MAP3K4: variants seen among roughly 807,000 people sequenced by gnomAD.
MAP3K4 encodes MAP three kinase 1.
In MAP3K4, 67 loss-of-function variants were observed where a neutral mutation model predicts 185.6. The ratio of observed to expected loss-of-function variants is 0.36; its 90% CI spans 0.30 to 0.44. The LOEUF is 0.44. MAP3K4 is among the 20% of genes least tolerant of loss of function. The probability of loss-of-function intolerance (pLI) is 1.00; values close to 1 mark genes in which losing one functional copy is unlikely to be tolerated. For synonymous variants in MAP3K4, 702 were observed against 710.4 expected, an observed-to-expected ratio of 0.99 and a Z score of 0.19; for missense variants, 1,551 against 1,995.1, an observed-to-expected ratio of 0.78 and a Z score of 4.24.
rs562864865 is a variant in MAP3K4 at position 161,054,084 on chromosome 6, C to T, written c.1707+4105C>T. ...TATGTCTTTATATATTTTTTGATTA[C>T]GTTACTTATAACCAGTGTTTGCAAA... On this transcript the variant is annotated intron_variant, in intron 3 of 26. Transcript: ENST00000392142. This position sits in a 1 kb window ranked among gnomAD's most constrained non-coding sequence, Gnocchi z 4.2. Among the ~76,000 whole-genome samples, 5 of 152,144 alleles carry T rather than the reference C, an allele frequency of 3.3e-5. No individual in the cohort carries two copies. The highest frequency in any genetic ancestry group is 7.4e-5 in the Non-Finnish European group (5 of 68,026).
At position 161,029,387 on chromosome 6, in the gene MAP3K4, C is replaced by A. The variant is rs528898711; in HGVS notation, c.153-4872C>A. Among the ~76,000 whole-genome samples the A allele has an allele frequency of 2.6e-5, 4 of 152,252 alleles. No homozygotes were observed. In the South Asian group the frequency reaches 8.3e-4, roughly 32 times the overall value. On this transcript the variant is annotated intron_variant, in intron 1 of 26. Coordinates refer to ENST00000392142, the MANE Select transcript of MAP3K4 (RefSeq NM_005922.4). ...AATATGTCAGAGCAGAACTATTTAA[C>A]CCTAAGTAACTTGAATTTTTGTTTT...
chr6:161,064,916 C>G lies in MAP3K4; in HGVS notation c.1708-5692C>G, dbSNP rs139068512. Among the ~76,000 whole-genome samples the G allele has an allele frequency of 6.6e-6, 1 of 152,092 alleles. No individual in the cohort carries two copies. The highest frequency in any genetic ancestry group is 1.5e-5 in the Non-Finnish European group (1 of 68,016). The stretch of plus-strand genomic sequence containing the variant: ...CATGGGCCAATGCCTTCGTGGAGTC[C>G]AAGGTATTGTCCAAACAGGTTTCCC... On this transcript the variant is annotated intron_variant, in intron 3 of 26. Coordinates refer to ENST00000392142, the MANE Select transcript of MAP3K4 (RefSeq NM_005922.4). The surrounding 1 kb of genome is among the most constrained non-coding windows in gnomAD (Gnocchi z 4.3).
chr6:161,080,450 C>T lies in MAP3K4; in HGVS notation c.2098-431C>T, dbSNP rs1785397144. Among the ~76,000 whole-genome samples the T allele has an allele frequency of 1.3e-5, 2 of 152,060 alleles. No individual in the cohort carries two copies. The highest frequency in any genetic ancestry group is 2.4e-5 in the African/African-American group (1 of 41,398). On this transcript the variant is annotated intron_variant, in intron 5 of 26. Coordinates refer to ENST00000392142, the MANE Select transcript of MAP3K4 (RefSeq NM_005922.4). The surrounding 1 kb of genome is among the most constrained non-coding windows in gnomAD (Gnocchi z 4.8). ...ATCCGGATGTTAGGAAGGGGTGGTG[C>T]GAAGAAGGGTGTTGACGTCCTCCTC...
intron 19 of MAP3K4, among the ~76,000 whole-genome samples, chr6:161,105,074 A>G (rs577136678): frequency 1.2e-4 from 18 of 152,338 alleles, no homozygotes; most frequent in East Asian, 3.9e-4. Context: ...ATGGTTGTCA[A>G]TTTATGGGTT....
chr6:161,044,208 A>G (rs1783616431), intron 2 of MAP3K4, among the ~76,000 whole-genome samples: 1 of 152,196 alleles, frequency 6.6e-6, no homozygotes, highest in African/African-American at 2.4e-5. Flanking sequence ...CACTTGGGAG[A>G]TCAGGTGTCC....
In MAP3K4 at chr6:161,110,090, C is replaced by G. The variant is rs544944005; in HGVS notation, c.4396+176C>G. 4.6e-5 allele frequency among the ~76,000 whole-genome samples: 7 copies of G among 152,338 alleles called. No individual in the cohort carries two copies. In the South Asian group the frequency reaches 1.2e-3, roughly 27 times the overall value. ...TTCAGAAACAAGGTAGAACTCATGT[C>G]TCTCTACCCAGGAGTCCGCTCTTTC... On this transcript the variant is annotated intron_variant, in intron 23 of 26. Coordinates refer to ENST00000392142, the MANE Select transcript of MAP3K4 (RefSeq NM_005922.4). This position sits in a 1 kb window ranked among gnomAD's most constrained non-coding sequence, Gnocchi z 4.8.
In MAP3K4 at chr6:161,086,243, T is replaced by G; in HGVS notation, c.2373-136T>G. 1 of 535,764 alleles carries G rather than the reference T, an allele frequency of 1.9e-6. No homozygotes were observed. Among genetic ancestry groups the G allele is most frequent in the Non-Finnish European group, 3.3e-6 (1 of 303,652 alleles). 33.2% of individuals were successfully genotyped at this position (535,764 alleles called of 1,614,324 possible). ...TTTGACTACATCTTCAATAATAGTT[T>G]GTTCCCATTTAAAAAATCCTCAGTC... On this transcript the variant is annotated intron_variant, in intron 7 of 26. Coordinates refer to ENST00000392142, the MANE Select transcript of MAP3K4 (RefSeq NM_005922.4). This position sits in a 1 kb window ranked among gnomAD's most constrained non-coding sequence, Gnocchi z 4.8.
At chr6:161,057,478 G>C (rs1001809) in intron 3 of MAP3K4, among the ~76,000 whole-genome samples, 137,332 of 152,284 alleles carry the variant, frequency 0.9, 62,132 homozygotes, top group East Asian at 0.99. Context: ...ACATGGTTTC[G>C]AAACCTGGCT....
intron 1 of MAP3K4, among the ~76,000 whole-genome samples, chr6:161,023,134 C>A (rs150478375): frequency 6.6e-6 from 1 of 152,236 alleles, no homozygotes; most frequent in African/African-American, 2.4e-5. Context: ...TTCAATCTTC[C>A]ACCATCTGTG....
intron 1 of MAP3K4, among the ~76,000 whole-genome samples, chr6:161,026,714 G>A (rs1782681843): frequency 6.9e-6 from 1 of 145,216 alleles, no homozygotes; most frequent in Non-Finnish European, 1.5e-5. Context: ...ATATTGGAAT[G>A]CCCAAAGGGT....
At chr6:161,090,549 C>T (rs1185031315) in intron 11 of MAP3K4, among the ~76,000 whole-genome samples, 1 of 132,234 alleles carries the variant, frequency 7.6e-6, no homozygotes, top group Non-Finnish European at 1.6e-5. Context: ...ATGTTTAGAG[C>T]CAGGGCAGGG....
intron 6 of MAP3K4, among the ~76,000 whole-genome samples, chr6:161,083,398 G>A (rs914624002): frequency 3.3e-5 from 5 of 152,098 alleles, no homozygotes; most frequent in African/African-American, 1.2e-4. Flanking sequence ...AATATTTGTT[G>A]AATAAGTACA....
chr6:161,042,910 A>G (rs571395994), intron 2 of MAP3K4, among the ~76,000 whole-genome samples: 1 of 1,784 alleles, frequency 5.6e-4, no homozygotes, highest in African/African-American at 4.6e-3. Flanking sequence ...GAGAATTTGC[A>G]CACACACACA....
intron 1 of MAP3K4, among the ~76,000 whole-genome samples, chr6:161,000,930 C>CGT (rs1554269882): frequency 6.9e-6 from 1 of 145,162 alleles, no homozygotes; most frequent in African/African-American, 2.6e-5. Flanking sequence ...GTATAATATG[C>CGT]ATATATATGC....
At chr6:161,014,191 A>T (rs534810868) in intron 1 of MAP3K4, among the ~76,000 whole-genome samples, 76 of 152,224 alleles carry the variant, frequency 5.0e-4, no homozygotes, top group Non-Finnish European at 7.9e-4. Context: ...TTGAGAATTA[A>T]TGAACTAATA....
intron 3 of MAP3K4, among the ~76,000 whole-genome samples, chr6:161,052,726 CGT>C (rs1168086873): frequency 2.6e-5 from 4 of 151,794 alleles, no homozygotes; most frequent in Admixed American, 1.3e-4. Flanking sequence ...TAAAGGGAGG[CGT>C]GTGTGTGTGC....
rs1170223252 is a variant in MAP3K4, at chr6:161,098,576, CG to C, written c.3674+151del. ...CTCTAGGGCCTTCCGCAGGTTGTCA[CG>C]GCCCAGAGGCTCTGGCACTGACCAA... On this transcript the variant is annotated intron_variant, in intron 17 of 26. Coordinates refer to ENST00000392142, the MANE Select transcript of MAP3K4 (RefSeq NM_005922.4). This position sits in a 1 kb window ranked among gnomAD's most constrained non-coding sequence, Gnocchi z 4.4. 6 of 882,500 alleles carry C rather than the reference CG, an allele frequency of 6.8e-6. No homozygotes were observed. The highest frequency in any genetic ancestry group is 9.9e-6 in the Non-Finnish European group (6 of 606,924). The allele number at this position is 882,500 out of a possible 1,614,324, so 54.7% of individuals were successfully genotyped here.
Position 161,017,081 on chromosome 6 carries a change from T to A in MAP3K4, c.153-17178T>A, listed in dbSNP as rs1782150461. Among the ~76,000 whole-genome samples the A allele has an allele frequency of 6.6e-6, 1 of 152,152 alleles. No homozygotes were observed. The highest frequency in any genetic ancestry group is 1.5e-5 in the Non-Finnish European group (1 of 68,028). On this transcript the variant is annotated intron_variant, in intron 1 of 26. Coordinates refer to ENST00000392142, the MANE Select transcript of MAP3K4 (RefSeq NM_005922.4). The surrounding 1 kb of genome is among the most constrained non-coding windows in gnomAD (Gnocchi z 5.1). ...GCTTTACTAAAGGTCTTGTGTGCAC[T>A]GAAAAAAGAATTTTAGAAGCGAAAA...
intron 7 of MAP3K4, among the ~76,000 whole-genome samples, chr6:161,085,819 A>G (rs1457140930): frequency 1.3e-5 from 2 of 152,194 alleles, no homozygotes; most frequent in Non-Finnish European, 2.9e-5. Context: ...GTTCCAGTTC[A>G]GGGGGCCATG....
Sources: allele counts gnomAD v4.1 joint callset (sites outside exome capture counted in the v4.1 genomes callset), GRCh38; gene constraint gnomAD v4.1.1; non-coding constraint Gnocchi (gnomAD v3.1); transcripts MANE v1.5; gene names NCBI Gene and HGNC (gene_info 2026-07-23, HGNC 2026-07-21).